AFP: variants seen among roughly 807,000 people sequenced by gnomAD.
The protein encoded by AFP is alpha fetoprotein, also known as alpha-fetoprotein.
In AFP, 64 loss-of-function variants were observed where a neutral mutation model predicts 78.9. The ratio of observed to expected loss-of-function variants is 0.81; its 90% CI spans 0.66 to 1.00. The LOEUF (loss-of-function observed/expected upper bound fraction) is 1.00. Among genes scored for constraint, AFP ranks in the 50% least tolerant of loss-of-function variants. AFP has a pLI of 0.00. For synonymous variants in AFP, 254 were observed against 243.8 expected (o/e 1.04, Z -0.39); for missense variants, 689 against 703.8 (o/e 0.98, Z 0.24).
Position 73,452,362 on chromosome 4 carries a change from C to A in AFP, c.1429-39C>A, listed in dbSNP as rs768023146. 1.7e-5 allele frequency: 26 copies of A among 1,562,334 alleles called. No homozygotes were observed. In the South Asian group the frequency reaches 2.6e-4, roughly 15 times the overall value. ...AACTGAACCAACTTTGTGACTAATG[C>A]CCAATCTCCTTACTTTTTTTTCTCA... On this transcript the variant is annotated intron_variant, in intron 11 of 14. Transcript: ENST00000395792.
At chr4:73,436,423 CTT>C in intron 1 of AFP, 76 bp downstream of exon 1, 1 of 852,152 alleles carries the variant, frequency 1.2e-6, no homozygotes, top group Non-Finnish European at 1.8e-6. Context: ...ATTAATTTGT[CTT>C]GATTTATTAT....
rs755575700 is a variant in AFP at position 73,438,277 on chromosome 4, G to A, written c.241G>A (p.Glu81Lys). The A allele has an allele frequency of 1.9e-6, 3 of 1,613,274 alleles. No homozygotes were observed. The highest frequency in any genetic ancestry group is 3.3e-5 in the Admixed American group (2 of 59,970). ...LTAIEKPTGD[E>K]QSSGCLENQL... ...TGCAATTGAGAAACCCACTGGAGAT[G>A]AACAGTCTTCAGGGTGTTTAGAAAA... Residue 81 changes from glutamate (E) to lysine (K), a missense_variant, in exon 3 of 15, where the codon GAA becomes AAA. Glu to Lys is a moderately conservative substitution (Grantham distance 56). Coordinates refer to ENST00000395792, the MANE Select transcript of AFP (RefSeq NM_001134.3).
In AFP at chr4:73,450,072, G is replaced by A. The variant is rs1020722404; in HGVS notation, c.1228G>A (p.Ala410Thr). ...ACAGAAATACATCCAGGAGAGCCAAGCATTGGCAAAGCGAAGCTGCGGCCT... is the reference window on the plus strand; with the variant it reads ...ACAGAAATACATCCAGGAGAGCCAAACATTGGCAAAGCGAAGCTGCGGCCT... ...ELQKYIQESQALAKRSCGLFQ... is the reference protein window; with the variant it reads ...ELQKYIQESQTLAKRSCGLFQ... The change falls in exon 10 of 15, where the codon GCA (alanine) becomes ACA (threonine). Residue 410 changes from alanine (A) to threonine (T), a missense_variant. By Grantham distance (58) the Ala-to-Thr change is moderately conservative. Coordinates refer to ENST00000395792, the MANE Select transcript of AFP (RefSeq NM_001134.3). The A allele has an allele frequency of 4.3e-6, 7 of 1,613,678 alleles. No homozygotes were observed. The East Asian group carries it at 1.6e-4, about 36-fold the overall frequency.
rs376009912 is a variant in AFP, at chr4:73,441,436, T to C, written c.482+623T>C. Among the ~76,000 whole-genome samples the C allele has an allele frequency of 7.9e-4, 119 of 150,904 alleles. 1 individual carries two copies. Among genetic ancestry groups the C allele is most frequent in the Admixed American group, 3.0e-3 (46 of 15,190 alleles). ...AAAAAAAATTAGCCGGGCGTGATGG[T>C]GGGCGCCTGTAGTCCCAGCTACTCG... On this transcript the variant is annotated intron_variant, in intron 4 of 14. Transcript: ENST00000395792.
At chr4:73,446,654 ATAAAGATGATTAT>A in intron 7 of AFP, among the ~76,000 whole-genome samples, 1 of 120,876 alleles carries the variant, frequency 8.3e-6, no homozygotes, top group Non-Finnish European at 1.7e-5. Context: ...CCATGTTATG[ATAAAGATGATTAT>A]CATTCTTACG....
In AFP at chr4:73,447,539, G is replaced by T. The variant is rs768059598; in HGVS notation, c.921G>T (p.Thr307=). 3 of 1,612,796 alleles carry T rather than the reference G, an allele frequency of 1.9e-6. No individual in the cohort carries two copies. Among genetic ancestry groups the T allele is most frequent in the South Asian group, 2.2e-5 (2 of 91,002 alleles). The stretch of plus-strand genomic sequence containing the variant: ...TAACAGAATGCTGCAAACTGACCAC[G>T]CTGGAACGTGGTCAATGTATAATTC... ...NKITECCKLT[T]LERGQCIIHA... The change falls in exon 8 of 15, where the codon ACG becomes ACT. Residue 307 remains threonine, a synonymous_variant. Transcript: ENST00000395792.
chr4:73,446,332 A>G (rs1431075753), intron 7 of AFP, among the ~76,000 whole-genome samples: 1 of 152,152 alleles, frequency 6.6e-6, no homozygotes, highest in Non-Finnish European at 1.5e-5. Flanking sequence ...TTAAAAAGTT[A>G]ATTTTTTCAA....
intron 10 of AFP, 145 bp from the exon 11 acceptor site, chr4:73,450,470 A>T: frequency 2.7e-6 from 3 of 1,119,790 alleles, no homozygotes; most frequent in Non-Finnish European, 3.9e-6. Context: ...GCATCTCAAA[A>T]GTTGGTTCAA....
Position 73,438,206 on chromosome 4 carries a change from A to G in AFP, c.170A>G (p.Glu57Gly), listed in dbSNP as rs1277696261. ...ATATTTTTTGCCCAGTTTGTTCAAG[A>G]AGCCACTTACAAGGAAGTAAGCAAA... ...ATIFFAQFVQEATYKEVSKMV... is the reference protein window; with the variant it reads ...ATIFFAQFVQGATYKEVSKMV... Residue 57 changes from glutamate (E) to glycine (G), a missense_variant, in exon 3 of 15, where the codon GAA (glutamate) becomes GGA (glycine). Physicochemically the swap from Glu to Gly is moderately conservative, Grantham distance 98. Coordinates refer to ENST00000395792, the MANE Select transcript of AFP (RefSeq NM_001134.3). 6.2e-7 allele frequency: 1 copy of G among 1,613,472 alleles called. No homozygotes were observed. The highest frequency in any genetic ancestry group is 2.2e-5 in the East Asian group (1 of 44,796).
intron 9 of AFP, among the ~76,000 whole-genome samples, chr4:73,449,784 G>T (rs889851580): frequency 6.6e-6 from 1 of 152,114 alleles, no homozygotes; most frequent in African/African-American, 2.4e-5. Context: ...CAAGAATTTG[G>T]TACAGAAAGA....
chr4:73,453,973 C>A (rs1226325947), intron 13 of AFP, 76 bp downstream of exon 13: 3 of 1,545,394 alleles, frequency 1.9e-6, no homozygotes, highest in Admixed American at 3.4e-5. Context: ...GAAGACCCTA[C>A]AAATTTATAA....
rs1719925144 is a variant in AFP at position 73,449,475 on chromosome 4, G to C, written c.1191+8G>C. 6.2e-7 allele frequency: 1 copy of C among 1,613,208 alleles called. No individual in the cohort carries two copies. The highest frequency in any genetic ancestry group is 1.1e-5 in the South Asian group (1 of 91,074). ...GAATGCCAAGATAAAGGAGTAAGTT[G>C]CTCTAGAATTTTAGGGGAGTATGAA... is the stretch of plus-strand genomic sequence containing the variant. On this transcript the variant is annotated splice_region_variant and intron_variant, in intron 9 of 14. Coordinates refer to ENST00000395792, the MANE Select transcript of AFP (RefSeq NM_001134.3).
At chr4:73,440,905 C>T (rs1316663022) in intron 4 of AFP, 92 bp downstream of exon 4, 7 of 1,160,074 alleles carry the variant, frequency 6.0e-6, no homozygotes, top group Non-Finnish European at 8.6e-6. Flanking sequence ...CATGTACTCC[C>T]AGTAAGAGGT....
chr4:73,453,741 A>G, intron 12 of AFP, 24 bp from the exon 13 acceptor site: 2 of 1,611,758 alleles, frequency 1.2e-6, no homozygotes, highest in Non-Finnish European at 1.7e-6. Context: ...CTTCTCTTGT[A>G]TTTTGTTTTG....
intron 2 of AFP, among the ~76,000 whole-genome samples, chr4:73,437,799 T>G (rs781313975): frequency 6.6e-6 from 1 of 152,054 alleles, no homozygotes; most frequent in Non-Finnish European, 1.5e-5. Flanking sequence ...GAATAGACAC[T>G]GTTAGAGGTC....
Position 73,452,577 on chromosome 4 carries a change from G to C in AFP, c.1605G>C (p.Lys535Asn). 1 of 1,613,994 alleles carries C rather than the reference G, an allele frequency of 6.2e-7. No homozygotes were observed. The change falls in exon 12 of 15, where the codon AAG becomes AAC. Residue 535 changes from lysine (K) to asparagine (N), a missense_variant. Coordinates refer to ENST00000395792, the MANE Select transcript of AFP (RefSeq NM_001134.3). Reference protein sequence around the residue: ...AFSDDKFIFHKDLCQAQGVAL... With the variant: ...AFSDDKFIFHNDLCQAQGVAL... ...CTGATGACAAGTTCATTTTCCATAA[G>C]GATCTGTGCCAAGCTCAGGGTGTAG... is the stretch of plus-strand genomic sequence containing the variant.
chr4:73,452,513 G>C lies in AFP; in HGVS notation c.1541G>C (p.Ser514Thr). 1 of 1,614,116 alleles carries C rather than the reference G, an allele frequency of 6.2e-7. No individual in the cohort carries two copies. Among genetic ancestry groups the C allele is most frequent in the South Asian group, 1.1e-5 (1 of 91,082 alleles). ...GCCAACAGGAGGCCATGCTTCAGCA[G>C]CTTGGTGGTGGATGAAACATATGTC... The part of the protein sequence containing the change: ...SYANRRPCFS[S>T]LVVDETYVPP... The change falls in exon 12 of 15, where the codon AGC becomes ACC. Residue 514 changes from serine (S) to threonine (T), a missense_variant. Transcript: ENST00000395792.
chr4:73,443,343 C>G lies in AFP; in HGVS notation c.616-4C>G. On this transcript the variant is annotated splice_region_variant and splice_polypyrimidine_tract_variant and intron_variant, in intron 5 of 14. Transcript: ENST00000395792. ...TCATGACATTTTGTTTCCTCTACAT[C>G]TAGGCAGCAACAGTTACAAAAGAAT... 1 of 1,607,082 alleles carries G rather than the reference C, an allele frequency of 6.2e-7. No homozygotes were observed.
chr4:73,454,208 GATC>G (rs1368782338), intron 13 of AFP, among the ~76,000 whole-genome samples: 1 of 151,914 alleles, frequency 6.6e-6, no homozygotes, highest in African/African-American at 2.4e-5. Flanking sequence ...GCCTAAAATT[GATC>G]AATTCAGCTA....
Sources: gnomAD v4.1 joint callset for allele counts (sites outside exome capture counted in the v4.1 genomes callset) on GRCh38, gnomAD v4.1.1 for gene constraint, MANE v1.5 for transcripts, NCBI Gene and HGNC (gene_info 2026-07-23, HGNC 2026-07-21) for gene names.